DDX20: variants seen among roughly 807,000 people sequenced by gnomAD.
DDX20 encodes the protein probable ATP-dependent RNA helicase DDX20.
In DDX20, 61 loss-of-function variants were observed where a neutral mutation model predicts 76.4. The ratio of observed to expected loss-of-function variants is 0.80; its 90% CI spans 0.65 to 0.99. DDX20 has a LOEUF of 0.99. Ranked by LOEUF, DDX20 falls within the 50% of genes least tolerant of loss-of-function variation. DDX20 has a pLI of 0.00. For missense variants in DDX20, 976 were observed against 996.8 expected, an observed-to-expected ratio of 0.98 and a Z score of 0.28; for synonymous variants, 357 against 357.4, an observed-to-expected ratio of 1.00 and a Z score of 0.01.
In DDX20 at chr1:111,757,140, A is replaced by T. The variant is rs555708428; in HGVS notation, c.396+400A>T. ...GGATCATTGCTCACTGCAACCTTGA[A>T]CTTCTGGGCTCCAGTGATCCTCCCA... On this transcript the variant is annotated intron_variant, in intron 2 of 10. Coordinates refer to ENST00000369702, the MANE Select transcript of DDX20 (RefSeq NM_007204.5). 5.3e-5 allele frequency among the ~76,000 whole-genome samples: 8 copies of T among 151,844 alleles called. No individual in the cohort carries two copies. The South Asian group carries it at 1.5e-3, about 28-fold the overall frequency.
At chr1:111,762,512 C>A (rs1316580254) in intron 8 of DDX20, 165 bp from the exon 9 acceptor site, 1 of 826,208 alleles carries the variant, frequency 1.2e-6, no homozygotes, top group Non-Finnish European at 1.9e-6. Context: ...ATATGTTTAT[C>A]TTTGTCCTTG....
At position 111,765,805 on chromosome 1, in the gene DDX20, A is replaced by G. The variant is rs997774083; in HGVS notation, c.1381A>G (p.Thr461Ala). Residue 461 changes from threonine (T) to alanine (A), a missense_variant, in exon 11 of 11, where the codon ACA (threonine) becomes GCA (alanine). Thr to Ala is a moderately conservative substitution (Grantham distance 58, BLOSUM62 0). This residue lies in a region of DDX20 where 630 missense variants were observed against 693.7 expected (regional missense o/e 0.91). Coordinates refer to ENST00000369702, the MANE Select transcript of DDX20 (RefSeq NM_007204.5). ...TGTGGAAGTTAAAGCTGCTGTGCAT[A>G]CATATGGTATAGCAAGTGTACCTAA... ...WDVEVKAAVHTYGIASVPNQP... is the reference protein window; with the variant it reads ...WDVEVKAAVHAYGIASVPNQP... 2 of 1,613,824 alleles carry G rather than the reference A, an allele frequency of 1.2e-6. No individual in the cohort carries two copies. The highest frequency in any genetic ancestry group is 1.7e-6 in the Non-Finnish European group (2 of 1,179,914).
rs766690097 is a variant in DDX20, at chr1:111,765,965, A to T, written c.1541A>T (p.Gln514Leu). 2 of 1,613,638 alleles carry T rather than the reference A, an allele frequency of 1.2e-6. No homozygotes were observed. Among genetic ancestry groups the T allele is most frequent in the Non-Finnish European group, 1.7e-6 (2 of 1,179,918 alleles). ...LSVKSKNNTK[Q>L]KLPVKSHSEC... ...GTCAAATCAAAAAATAATACCAAAC[A>T]AAAGCTTCCTGTGAAAAGCCACTCA... The change falls in exon 11 of 11, where the codon CAA becomes CTA. Residue 514 changes from glutamine (Q) to leucine (L), a missense_variant. Transcript: ENST00000369702.
rs776997555 is a variant in DDX20, at chr1:111,759,374, AG to A, written c.397-24del. On this transcript the variant is annotated intron_variant, in intron 2 of 10. Transcript: ENST00000369702. Reference sequence around the variant, plus strand: ...CTATGTATTTATTCCTCTGACTCAAAGGTGTAATTTATGGTTTTTTTTTAGA... The same window carrying A: ...CTATGTATTTATTCCTCTGACTCAAAGTGTAATTTATGGTTTTTTTTTAGA... The A allele has an allele frequency of 3.8e-6, 6 of 1,568,924 alleles. 1 individual carries two copies. In the South Asian group the frequency reaches 7.0e-5, roughly 18 times the overall value.
At chr1:111,760,436 G>A in intron 3 of DDX20, 38 bp from the exon 4 acceptor site, 1 of 1,365,978 alleles carries the variant, frequency 7.3e-7, no homozygotes, top group Non-Finnish European at 1.0e-6. Flanking sequence ...CACAAATTTG[G>A]TACATCATAA....
chr1:111,766,366 C>T lies in DDX20; in HGVS notation c.1942C>T (p.Gln648Ter). ...QRVPVLASSS[Q>*]SGDSESDSDS... ...AGTCCCTGTGTTGGCAAGTAGTAGCCAATCTGGAGACTCTGAGAGTGACAG... is the reference window on the plus strand; with the variant it reads ...AGTCCCTGTGTTGGCAAGTAGTAGCTAATCTGGAGACTCTGAGAGTGACAG... The change falls in exon 11 of 11, where the codon CAA becomes TAA. Residue 648 changes from glutamine (Q) to a stop codon, truncating the protein, a stop_gained. Transcript: ENST00000369702. LOFTEE classifies it high-confidence loss of function. 6.2e-7 allele frequency: 1 copy of T among 1,614,110 alleles called. No homozygotes were observed. Among genetic ancestry groups the T allele is most frequent in the Non-Finnish European group, 8.5e-7 (1 of 1,180,028 alleles).
At chr1:111,757,638 C>A (rs1207174513) in intron 2 of DDX20, among the ~76,000 whole-genome samples, 1 of 152,158 alleles carries the variant, frequency 6.6e-6, no homozygotes, top group African/African-American at 2.4e-5. Flanking sequence ...GATGATGAAT[C>A]TTCAACAGTG....
chr1:111,759,513 A>C lies in DDX20; in HGVS notation c.510A>C (p.Pro170=). 1 of 1,614,072 alleles carries C rather than the reference A, an allele frequency of 6.2e-7. No homozygotes were observed. The highest frequency in any genetic ancestry group is 1.3e-5 in the African/African-American group (1 of 75,042). The change falls in exon 3 of 11, where the codon CCA becomes CCC. Residue 170 remains proline (P), a synonymous_variant. Transcript: ENST00000369702. ...GTCATGTCTTTATTGGAGGGACCCC[A>C]TTATCACAAGACAAAACCAGACTTA... ...LECHVFIGGT[P]LSQDKTRLKK...
intron 1 of DDX20, 43 bp downstream of exon 1, chr1:111,756,268 G>GCT: frequency 1.4e-6 from 1 of 739,116 alleles, no homozygotes; most frequent in Non-Finnish European, 2.0e-6. Flanking sequence ...TGGGGTGGGA[G>GCT]AAGGGGGACC....
Position 111,756,757 on chromosome 1 carries a change from G to A in DDX20, c.396+17G>A. 2 of 1,594,432 alleles carry A rather than the reference G, an allele frequency of 1.3e-6. No homozygotes were observed. Among genetic ancestry groups the A allele is most frequent in the Non-Finnish European group, 1.7e-6 (2 of 1,162,032 alleles). On this transcript the variant is annotated intron_variant, in intron 2 of 10. Transcript: ENST00000369702. ...AGTACCCAGGTGAGTTAGCTGAGAG[G>A]ACCAGAGGAGGATGTGTTTTGTGGA...
At chr1:111,757,456 T>A (rs139100439) in intron 2 of DDX20, among the ~76,000 whole-genome samples, 3 of 152,342 alleles carry the variant, frequency 2.0e-5, no homozygotes, top group African/African-American at 7.2e-5. Flanking sequence ...GCAGGAAATT[T>A]GAGTTTGGGG....
intron 7 of DDX20, 115 bp downstream of exon 7, chr1:111,761,399 T>C: frequency 2.6e-6 from 2 of 781,154 alleles, no homozygotes; most frequent in Admixed American, 6.3e-5. Context: ...TTATCTTGTA[T>C]CTTTTAGAGT....
chr1:111,761,572 A>G (rs1210066030), intron 7 of DDX20: 1 of 243,856 alleles, frequency 4.1e-6, no homozygotes, highest in Non-Finnish European at 7.7e-6. Context: ...CTATAAAACC[A>G]AGTTTGTCTG....
At chr1:111,760,933 T>C (rs1663660743) in intron 5 of DDX20, 54 bp from the exon 6 acceptor site, 4 of 1,599,774 alleles carry the variant, frequency 2.5e-6, no homozygotes, top group Admixed American at 1.7e-5. Flanking sequence ...TCTTGCTGTT[T>C]CATGGTTACC....
Position 111,762,890 on chromosome 1 carries a change from TTC to T in DDX20, c.1211-10_1211-9del, listed in dbSNP as rs1557922857. 2 of 1,602,448 alleles carry T rather than the reference TTC, an allele frequency of 1.2e-6. No homozygotes were observed. Among genetic ancestry groups the T allele is most frequent in the Non-Finnish European group, 1.7e-6 (2 of 1,169,434 alleles). On this transcript the variant is annotated splice_polypyrimidine_tract_variant and intron_variant, in intron 9 of 10. Transcript: ENST00000369702. ...TGTGAAAATGATTTACTACCTAACA[TTC>T]TCTCTGCTTTTAGGTACATTGGGGC...
intron 10 of DDX20, among the ~76,000 whole-genome samples, chr1:111,764,400 A>G (rs935633329): frequency 6.6e-6 from 1 of 152,280 alleles, no homozygotes; most frequent in African/African-American, 2.4e-5. Context: ...ATTATTTTAC[A>G]GAGCTAGATT....
rs1557922834 is a variant in DDX20 at position 111,762,824 on chromosome 1, A to AGGTTAAGGGGG, written c.1210+44_1210+45insTTAAGGGGGGG. On this transcript the variant is annotated intron_variant, in intron 9 of 10. Coordinates refer to ENST00000369702, the MANE Select transcript of DDX20 (RefSeq NM_007204.5). ...AAGTTTGAGTGCTTTCTTTAAGGGG[A>AGGTTAAGGGGG]GGGATCTATAATGTGACAGGTGGGC... 3.9e-6 allele frequency: 6 copies of AGGTTAAGGGGG among 1,555,422 alleles called. No individual in the cohort carries two copies. In the Admixed American group the frequency reaches 8.4e-5, roughly 22 times the overall value.
intron 10 of DDX20, among the ~76,000 whole-genome samples, chr1:111,765,080 C>CTT (rs1481975486): frequency 6.6e-6 from 1 of 152,154 alleles, no homozygotes; most frequent in Non-Finnish European, 1.5e-5. Context: ...ATTGATCACA[C>CTT]TTTGAAAGGT....
rs959616901 is a variant in DDX20 at position 111,761,460 on chromosome 1, T to G, written c.1021+176T>G. The G allele has an allele frequency of 2.6e-5, 14 of 548,978 alleles. 1 individual carries two copies. The East Asian group carries it at 4.0e-4, about 16-fold the overall frequency. 34.0% of individuals were successfully genotyped at this position (548,978 alleles called of 1,614,324 possible). The stretch of plus-strand genomic sequence containing the variant: ...ATTGGAATTTGATATGTCAATATTC[T>G]ATTTTTAAGGAGTAACTTGGTATAT... On this transcript the variant is annotated intron_variant, in intron 7 of 10. Coordinates refer to ENST00000369702, the MANE Select transcript of DDX20 (RefSeq NM_007204.5).
Sources: gnomAD v4.1 joint callset for allele counts (sites outside exome capture counted in the v4.1 genomes callset) on GRCh38, gnomAD v4.1.1 for gene constraint, gnomAD v4.1.1 regional missense constraint, MANE v1.5 for transcripts, NCBI Gene and HGNC (gene_info 2026-07-23, HGNC 2026-07-21) for gene names.